The following SAMSN1 variants were observed in gnomAD, a reference collection of about 807,000 sequenced individuals.
SAMSN1 encodes the protein SAM domain, SH3 domain and nuclear localization signals 1.
A neutral mutation model predicts 42.0 loss-of-function variants in SAMSN1; 31 were observed. The ratio of observed to expected loss-of-function variants is 0.74; its 90% CI spans 0.55 to 1.00. SAMSN1 has a LOEUF of 1.00. SAMSN1 is among the 50% of genes least tolerant of loss of function. The pLI, the probability that SAMSN1 is intolerant of heterozygous loss-of-function variation, is 0.00. For missense variants in SAMSN1, 464 were observed against 439.4 expected, an observed-to-expected ratio of 1.06 and a Z score of -0.50; for synonymous variants, 178 against 151.9, an observed-to-expected ratio of 1.17 and a Z score of -1.26.
Position 14,577,234 on chromosome 21 carries a change from GTGTGTATATA to G in SAMSN1, c.261+4892_261+4901del, listed in dbSNP as rs1359914276. On this transcript the variant is annotated intron_variant, in intron 2 of 8. Transcript: ENST00000285670. ...CCATGGTGGGCTAATTTATATATAT[GTGTGTATATA>G]TATATATATATATATATATATATAT... 5.5e-3 allele frequency among the ~76,000 whole-genome samples: 118 copies of G among 21,318 alleles called. 8 individuals are homozygous for G. Among genetic ancestry groups the G allele is most frequent in the African/African-American group, 0.012 (66 of 5,388 alleles). The allele number at this position is 21,318 out of a possible 152,430, so 14.0% of individuals were successfully genotyped here. A position where few individuals can be genotyped will look rare whatever the true frequency, so the allele number is the denominator to read the frequency against.
intron 2 of SAMSN1, among the ~76,000 whole-genome samples, chr21:14,578,860 C>G (rs1035028622): frequency 6.6e-6 from 1 of 152,012 alleles, no homozygotes; most frequent in African/African-American, 2.4e-5. Flanking sequence ...TATAATCACA[C>G]TCTTACCCTT....
At chr21:14,618,515 T>C (rs1401596105) in intron 2 of SAMSN1, among the ~76,000 whole-genome samples, 1 of 152,196 alleles carries the variant, frequency 6.6e-6, no homozygotes, top group East Asian at 1.9e-4. Flanking sequence ...GTGGAAAATG[T>C]AAATGACTTT....
At chr21:14,566,434 G>A (rs1275293841) in intron 2 of SAMSN1, among the ~76,000 whole-genome samples, 2 of 151,994 alleles carry the variant, frequency 1.3e-5, no homozygotes, top group Admixed American at 6.6e-5. Context: ...CATCATATAA[G>A]ACTACCACCA....
intron 6 of SAMSN1, among the ~76,000 whole-genome samples, chr21:14,499,256 T>C (rs896277882): frequency 1.3e-5 from 2 of 152,188 alleles, no homozygotes; most frequent in Non-Finnish European, 2.9e-5. Context: ...TCAATATGTA[T>C]TAGTTTAAAA....
intron 2 of SAMSN1, among the ~76,000 whole-genome samples, chr21:14,620,341 A>T (rs564589249): frequency 2.6e-5 from 4 of 151,828 alleles, no homozygotes; most frequent in Non-Finnish European, 4.4e-5. Flanking sequence ...ACGAGATGTG[A>T]TGGTTTCATA....
intron 2 of SAMSN1, among the ~76,000 whole-genome samples, chr21:14,618,703 CACGCGCGT>C (rs1982920104): frequency 4.4e-5 from 4 of 91,128 alleles, no homozygotes; most frequent in African/African-American, 2.1e-4. Context: ...CGCGCGCGCG[CACGCGCGT>C]GTGTGTGTGT....
chr21:14,635,079 G>A (rs1983431779), intron 2 of SAMSN1, among the ~76,000 whole-genome samples: 1 of 152,144 alleles, frequency 6.6e-6, no homozygotes, highest in Admixed American at 6.5e-5. Flanking sequence ...ACTAACACAG[G>A]AACAGAAGAC....
intron 5 of SAMSN1, among the ~76,000 whole-genome samples, chr21:14,507,735 T>C (rs1987478818): frequency 6.6e-6 from 1 of 151,942 alleles, no homozygotes; most frequent in Non-Finnish European, 1.5e-5. Context: ...AGAGCTTGCA[T>C]AGCCAAAGCA....
chr21:14,538,202 A>AG (rs1979757592), intron 1 of SAMSN1, among the ~76,000 whole-genome samples: 1 of 152,214 alleles, frequency 6.6e-6, no homozygotes. Flanking sequence ...CGTTTTTTAA[A>AG]GGGGAAAAGA....
At chr21:14,560,825 C>T (rs890011830) in intron 2 of SAMSN1, among the ~76,000 whole-genome samples, 1 of 152,214 alleles carries the variant, frequency 6.6e-6, no homozygotes, top group African/African-American at 2.4e-5. Flanking sequence ...CAGCTCTACG[C>T]TATTGAGCAT....
intron 5 of SAMSN1, among the ~76,000 whole-genome samples, chr21:14,602,751 G>A (rs753509855): frequency 2.6e-4 from 40 of 152,142 alleles, no homozygotes; most frequent in Non-Finnish European, 1.9e-4. Flanking sequence ...TAAGGAGAGT[G>A]CAACCCAACA....
At chr21:14,650,868 C>G (rs1430790298) in intron 1 of SAMSN1, among the ~76,000 whole-genome samples, 2 of 151,766 alleles carry the variant, frequency 1.3e-5, no homozygotes, top group Non-Finnish European at 2.9e-5. Context: ...TGCAGAAACT[C>G]AAAGCATCAT....
chr21:14,505,615 C>T (rs1004249003), intron 5 of SAMSN1, among the ~76,000 whole-genome samples: 1 of 152,058 alleles, frequency 6.6e-6, no homozygotes, highest in African/African-American at 2.4e-5. Context: ...ACTAATAGGC[C>T]TAAGAAATGA....
At chr21:14,507,542 A>G (rs1430210404) in intron 5 of SAMSN1, among the ~76,000 whole-genome samples, 1 of 152,242 alleles carries the variant, frequency 6.6e-6, no homozygotes, top group Non-Finnish European at 1.5e-5. Context: ...GCTGAAAGAA[A>G]TCATAGATGG....
chr21:14,518,951 T>C (rs1988036621), intron 2 of SAMSN1, among the ~76,000 whole-genome samples: 1 of 152,196 alleles, frequency 6.6e-6, no homozygotes, highest in South Asian at 2.1e-4. Flanking sequence ...CTTGTGTTAC[T>C]CTACCATTTC....
chr21:14,601,740 C>T (rs1250782298), intron 6 of SAMSN1, among the ~76,000 whole-genome samples: 2 of 152,068 alleles, frequency 1.3e-5, no homozygotes, highest in Non-Finnish European at 2.9e-5. Context: ...CAGGAACATC[C>T]CAGTATATTA....
intron 6 of SAMSN1, chr21:14,602,002 A>T: frequency 1.5e-6 from 1 of 681,538 alleles, no homozygotes; most frequent in Non-Finnish European, 2.7e-6. Flanking sequence ...AAAACACGCA[A>T]ATGCTGATTA....
chr21:14,493,716 A>G (rs911407085), intron 7 of SAMSN1, among the ~76,000 whole-genome samples: 4 of 152,172 alleles, frequency 2.6e-5, no homozygotes, highest in Non-Finnish European at 5.9e-5. Flanking sequence ...TGCACAAAAT[A>G]AACAGATCCT....
intron 6 of SAMSN1, among the ~76,000 whole-genome samples, chr21:14,595,310 C>A (rs1319534464): frequency 6.6e-6 from 1 of 151,982 alleles, no homozygotes. Flanking sequence ...GAATTAGAGC[C>A]CTTATAAAAG....
Sources: allele counts gnomAD v4.1 joint callset (sites outside exome capture counted in the v4.1 genomes callset), GRCh38; gene constraint gnomAD v4.1.1; transcripts MANE v1.5; gene names NCBI Gene and HGNC (gene_info 2026-07-23, HGNC 2026-07-21).